NDST4: variants seen among roughly 807,000 people sequenced by gnomAD.
NDST4 encodes N-deacetylase and N-sulfotransferase 4.
In NDST4, 63 loss-of-function variants were observed where a neutral mutation model predicts 100.8. That is an observed-to-expected ratio of 0.62 (90% CI 0.51 to 0.77). The LOEUF is 0.77. Ranked by LOEUF, NDST4 falls within the 30% of genes least tolerant of loss-of-function variation. NDST4 has a pLI of 0.00. For synonymous variants in NDST4, 377 were observed against 361.8 expected (o/e 1.04, Z -0.48); for missense variants, 943 against 1,018.4 (o/e 0.93, Z 1.01).
At chr4:115,010,689 T>TA (rs910501842) in intron 2 of NDST4, among the ~76,000 whole-genome samples, 2 of 150,516 alleles carry the variant, frequency 1.3e-5, no homozygotes, top group African/African-American at 2.4e-5. Context: ...AGTATAATAA[T>TA]AAAAAAAAGA....
intron 1 of NDST4, among the ~76,000 whole-genome samples, chr4:115,086,367 C>T (rs568784835): frequency 8.6e-5 from 13 of 151,766 alleles, no homozygotes; most frequent in East Asian, 7.8e-4. Context: ...GGTAGTATGC[C>T]CAGTTTATAA....
chr4:115,004,439 G>A (rs1193045783), intron 2 of NDST4, among the ~76,000 whole-genome samples: 1 of 152,128 alleles, frequency 6.6e-6, no homozygotes, highest in Admixed American at 6.5e-5. Flanking sequence ...GACTGCTTTT[G>A]CAGCTGGCTC....
intron 2 of NDST4, among the ~76,000 whole-genome samples, chr4:115,053,787 T>C (rs1454791440): frequency 2.0e-5 from 3 of 152,130 alleles, no homozygotes; most frequent in Non-Finnish European, 4.4e-5. Context: ...AAAATGTCTC[T>C]GAACTTCTGA....
At chr4:114,980,814 G>T (rs1194513017) in intron 2 of NDST4, among the ~76,000 whole-genome samples, 1 of 151,878 alleles carries the variant, frequency 6.6e-6, no homozygotes, top group Non-Finnish European at 1.5e-5. Context: ...GTATATTAAA[G>T]AGAATAAATA....
In NDST4 at chr4:114,848,248, A is replaced by G; in HGVS notation, c.1907T>C (p.Phe636Ser). ...SPKTFEEVQF[F>S]NGNNYHKGID... is the part of the protein sequence containing the mutation. ...TCCTTTGTGATAGTTGTTGCCATTA[A>G]AGAACTGAACTTCCTCAAATGTCTT... The change falls in exon 9 of 14, where the codon TTT (phenylalanine) becomes TCT (serine). Residue 636 changes from phenylalanine to serine, a missense_variant. Around this residue, in one of 2 missense-constraint regions of NDST4, gnomAD observed 526 missense variants for 634.1 expected, o/e 0.83. Coordinates refer to ENST00000264363, the MANE Select transcript of NDST4 (RefSeq NM_022569.3). The G allele has an allele frequency of 6.2e-7, 1 of 1,610,466 alleles. No homozygotes were observed. Among genetic ancestry groups the G allele is most frequent in the Non-Finnish European group, 8.5e-7 (1 of 1,178,898 alleles).
chr4:115,083,044 C>T (rs1045565961), intron 1 of NDST4, among the ~76,000 whole-genome samples: 2 of 152,076 alleles, frequency 1.3e-5, no homozygotes, highest in African/African-American at 4.8e-5. Context: ...TGTGAGAAAA[C>T]TATTTTATTA....
intron 8 of NDST4, among the ~76,000 whole-genome samples, chr4:114,852,354 G>T (rs997384959): frequency 6.6e-6 from 1 of 151,868 alleles, no homozygotes; most frequent in African/African-American, 2.4e-5. Context: ...AGTTTGAATC[G>T]GGCCAAAACA....
intron 1 of NDST4, among the ~76,000 whole-genome samples, chr4:115,083,424 C>T (rs1174072863): frequency 6.6e-6 from 1 of 152,170 alleles, no homozygotes; most frequent in African/African-American, 2.4e-5. Flanking sequence ...TGCACCACTG[C>T]ACTCCAGCCT....
intron 6 of NDST4, among the ~76,000 whole-genome samples, chr4:114,877,401 T>A: frequency 6.6e-6 from 1 of 152,200 alleles, no homozygotes; most frequent in East Asian, 1.9e-4. Flanking sequence ...GCATGTCAGC[T>A]GATTACTGAC....
intron 2 of NDST4, among the ~76,000 whole-genome samples, chr4:115,069,915 AAAAT>A (rs532921444): frequency 6.7e-4 from 102 of 152,230 alleles, no homozygotes; most frequent in African/African-American, 2.4e-3. Context: ...TAAAAGTTAA[AAAAT>A]AACAGTTGCA....
At chr4:114,997,888 A>G (rs558555008) in intron 2 of NDST4, among the ~76,000 whole-genome samples, 1 of 152,144 alleles carries the variant, frequency 6.6e-6, no homozygotes, top group Admixed American at 6.6e-5. Context: ...CCCTGGTTCT[A>G]GGGGTTTTAA....
At chr4:114,889,353 G>A (rs1339053431) in intron 6 of NDST4, among the ~76,000 whole-genome samples, 1 of 152,086 alleles carries the variant, frequency 6.6e-6, no homozygotes, top group South Asian at 2.1e-4. Context: ...TTATATAACT[G>A]GTTATTGCTT....
chr4:115,081,610 TAAAA>T (rs1226385590), intron 1 of NDST4, among the ~76,000 whole-genome samples: 7 of 152,138 alleles, frequency 4.6e-5, no homozygotes, highest in Admixed American at 3.9e-4. Flanking sequence ...ATGAGTCACA[TAAAA>T]TTAAAAAAAT....
chr4:114,974,071 C>T (rs1473388106), intron 3 of NDST4, among the ~76,000 whole-genome samples: 8 of 151,696 alleles, frequency 5.3e-5, no homozygotes, highest in African/African-American at 1.9e-4. Flanking sequence ...TAATAATAAA[C>T]ATTTACATAG....
chr4:114,906,039 C>T (rs1370432510), intron 6 of NDST4, among the ~76,000 whole-genome samples: 6 of 151,920 alleles, frequency 3.9e-5, no homozygotes, highest in African/African-American at 7.2e-5. Context: ...GGAACGGCAG[C>T]TTCAGAACAG....
chr4:114,963,733 T>C (rs549427325), intron 4 of NDST4, among the ~76,000 whole-genome samples: 44 of 152,284 alleles, frequency 2.9e-4, no homozygotes, highest in African/African-American at 9.1e-4. Flanking sequence ...AGGTAATAGA[T>C]GAATTCAATA....
intron 1 of NDST4, among the ~76,000 whole-genome samples, chr4:115,090,030 A>G (rs1042515081): frequency 1.3e-5 from 2 of 151,902 alleles, no homozygotes; most frequent in Non-Finnish European, 2.9e-5. Flanking sequence ...TAAGTGTAAC[A>G]TGCAGTATTA....
chr4:115,083,726 G>A (rs1041024880), intron 1 of NDST4, among the ~76,000 whole-genome samples: 3 of 151,996 alleles, frequency 2.0e-5, no homozygotes, highest in Non-Finnish European at 4.4e-5. Flanking sequence ...GTTCTCATGA[G>A]ATCTGATGCT....
At chr4:115,033,157 A>ATATATTTT (rs1491126767) in intron 2 of NDST4, among the ~76,000 whole-genome samples, 2 of 59,946 alleles carry the variant, frequency 3.3e-5, no homozygotes, top group African/African-American at 1.2e-4. Context: ...ATATATATAT[A>ATATATTTT]TTTTTTTTTT....
Sources: gnomAD v4.1 joint callset for allele counts (sites outside exome capture counted in the v4.1 genomes callset) on GRCh38, gnomAD v4.1.1 for gene constraint, gnomAD v4.1.1 regional missense constraint, MANE v1.5 for transcripts, NCBI Gene and HGNC (gene_info 2026-07-23, HGNC 2026-07-21) for gene names.